Variants in SBNO1 observed in about 807,000 individuals in gnomAD.
SBNO1 encodes protein strawberry notch homolog 1.
In SBNO1, 23 loss-of-function variants were observed where a neutral mutation model predicts 173.6. The observed-to-expected ratio is 0.13, with a 90% CI of 0.10 to 0.19. SBNO1 has a LOEUF of 0.19. SBNO1 is among the 10% of genes least tolerant of loss of function. The pLI, the probability that SBNO1 is intolerant of heterozygous loss-of-function variation, is 1.00. For synonymous variants in SBNO1, 632 were observed against 571.5 expected, an observed-to-expected ratio of 1.11 and a Z score of -1.51; for missense variants, 1,238 against 1,671.2, an observed-to-expected ratio of 0.74 and a Z score of 4.52.
At chr12:123,363,878 A>T in intron 1 of SBNO1, 1 of 985,638 alleles carries the variant, frequency 1.0e-6, no homozygotes, top group Non-Finnish European at 1.2e-6. Flanking sequence ...CAGGAAAGAA[A>T]CAATCAGAAG....
At chr12:123,359,774 TAAGGA>T (rs1258673765) in intron 1 of SBNO1, among the ~76,000 whole-genome samples, 1 of 152,152 alleles carries the variant, frequency 6.6e-6, no homozygotes, top group African/African-American at 2.4e-5. Flanking sequence ...CCTTTCCACT[TAAGGA>T]AATTTCAGTG....
intron 19 of SBNO1, 40 bp from the exon 20 acceptor site, chr12:123,320,071 A>G (rs1869769830): frequency 3.1e-6 from 5 of 1,611,520 alleles, no homozygotes; most frequent in Non-Finnish European, 4.2e-6. Context: ...AAGGTATCTG[A>G]CTGCGGTGGA....
At chr12:123,322,021 G>C (rs1184630298) in intron 16 of SBNO1, among the ~76,000 whole-genome samples, 1 of 152,190 alleles carries the variant, frequency 6.6e-6, no homozygotes, top group Non-Finnish European at 1.5e-5. Context: ...CAGAGTAAAA[G>C]CAGAACCTCT....
At chr12:123,310,152 CT>C (rs1392694746) in intron 25 of SBNO1, among the ~76,000 whole-genome samples, 1 of 152,228 alleles carries the variant, frequency 6.6e-6, no homozygotes, top group Non-Finnish European at 1.5e-5. Flanking sequence ...GAATTCTCAA[CT>C]GTAGTGGCAC....
chr12:123,361,135 T>C (rs1374648873), intron 1 of SBNO1, among the ~76,000 whole-genome samples: 1 of 152,152 alleles, frequency 6.6e-6, no homozygotes, highest in Non-Finnish European at 1.5e-5. Flanking sequence ...TCCCAGCTAC[T>C]TGGGAGGCTA....
At chr12:123,344,287 C>G (rs1254794136) in intron 4 of SBNO1, among the ~76,000 whole-genome samples, 1 of 152,082 alleles carries the variant, frequency 6.6e-6, no homozygotes, top group Non-Finnish European at 1.5e-5. Context: ...GGTATCAGTC[C>G]TAAGACAGCT....
At chr12:123,358,845 C>G (rs1874782444) in intron 1 of SBNO1, among the ~76,000 whole-genome samples, 1 of 151,834 alleles carries the variant, frequency 6.6e-6, no homozygotes, top group African/African-American at 2.4e-5. Flanking sequence ...CACATCACTC[C>G]AAGATCCTGT....
rs1440644488 is a variant in SBNO1 at position 123,326,323 on chromosome 12, G to A, written c.1704C>T (p.Ala568=). The change falls in exon 14 of 32, where the codon GCC becomes GCT. Residue 568 remains alanine, a synonymous_variant. Transcript: ENST00000602398. The part of the protein sequence containing the change: ...YNKAVKLWVI[A]RERFQQAADL... ...CTGCAGCTTGCTGAAACCGCTCTCTGGCGATGACCCACTGAAGATACATAA... is the reference window on the plus strand; with the variant it reads ...CTGCAGCTTGCTGAAACCGCTCTCTAGCGATGACCCACTGAAGATACATAA... 1.4e-5 allele frequency: 23 copies of A among 1,599,490 alleles called. No homozygotes were observed. Among genetic ancestry groups the A allele is most frequent in the Non-Finnish European group, 1.8e-5 (21 of 1,172,654 alleles).
intron 5 of SBNO1, among the ~76,000 whole-genome samples, chr12:123,337,859 C>A (rs1427783460): frequency 5.9e-5 from 9 of 152,198 alleles, no homozygotes; most frequent in African/African-American, 1.9e-4. Context: ...AGCCTCCTTT[C>A]TCCCTCCATC....
chr12:123,307,483 G>A (rs1415781904), intron 28 of SBNO1, among the ~76,000 whole-genome samples: 3 of 152,166 alleles, frequency 2.0e-5, no homozygotes, highest in African/African-American at 7.2e-5. Context: ...GATCATTTAT[G>A]ACTTCATCCT....
chr12:123,350,556 T>G (rs1873753751), intron 1 of SBNO1, 115 bp from the exon 2 acceptor site: 3 of 807,894 alleles, frequency 3.7e-6, no homozygotes, highest in Non-Finnish European at 4.1e-6. Flanking sequence ...TCAGTATTAA[T>G]GAAGAACCTG....
At chr12:123,338,892 CG>C (rs1872189634) in intron 5 of SBNO1, among the ~76,000 whole-genome samples, 2 of 3,668 alleles carry the variant, frequency 5.5e-4, no homozygotes, top group South Asian at 6.3e-3. Context: ...ACACACACCC[CG>C]ACACACACAC....
rs1875956828 is a variant in SBNO1 at position 123,364,779 on chromosome 12, G to A, written c.-79C>T. The A allele has an allele frequency of 9.1e-6, 9 of 987,478 alleles. No individual in the cohort carries two copies. The highest frequency in any genetic ancestry group is 1.1e-5 in the Non-Finnish European group (9 of 831,552). The allele number at this position is 987,478 out of a possible 1,614,324, so 61.2% of individuals were successfully genotyped here. A position where few individuals can be genotyped will look rare whatever the true frequency, so the allele number is the denominator to read the frequency against. On this transcript the variant is annotated 5_prime_UTR_variant, in exon 1 of 32. Transcript: ENST00000602398. ...AAGGACCAGAGGCGACTGGAGCGGA[G>A]GCGGCGGTGGCGGCGGCAGCAGCGG...
At chr12:123,320,104 GA>G in intron 19 of SBNO1, 73 bp from the exon 20 acceptor site, 1 of 1,530,622 alleles carries the variant, frequency 6.5e-7, no homozygotes, top group East Asian at 2.2e-5. Flanking sequence ...CTCTTTCCTT[GA>G]AGACACTTGG....
chr12:123,313,665 G>A lies in SBNO1; in HGVS notation c.3175C>T (p.Pro1059Ser), dbSNP rs1868906546. Residue 1059 changes from proline to serine, a missense_variant, in exon 24 of 32, where the codon CCT becomes TCT. Pro to Ser is a moderately conservative substitution (Grantham distance 74). Coordinates refer to ENST00000602398, the MANE Select transcript of SBNO1 (RefSeq NM_001167856.3). ...TAGTCTGGAGGTGGTGATACCATAG[G>A]AGAATCCAAGTTTACAATGGATTTC... ...VMKSIVNLDS[P>S]MVSPPPDYPG... 2 of 1,609,288 alleles carry A rather than the reference G, an allele frequency of 1.2e-6. No individual in the cohort carries two copies. The highest frequency in any genetic ancestry group is 1.7e-6 in the Non-Finnish European group (2 of 1,176,412).
chr12:123,301,136 T>A (rs1459872855), intron 30 of SBNO1, among the ~76,000 whole-genome samples: 1 of 151,992 alleles, frequency 6.6e-6, no homozygotes, highest in Non-Finnish European at 1.5e-5. Flanking sequence ...GCCTCCCAAG[T>A]AGCTGGGATT....
At chr12:123,309,680 C>G in intron 26 of SBNO1, 30 bp downstream of exon 26, 1 of 1,608,616 alleles carries the variant, frequency 6.2e-7, no homozygotes, top group Non-Finnish European at 8.5e-7. Flanking sequence ...TCCCTGGGGA[C>G]ATTGTGGGGG....
chr12:123,352,519 T>G (rs1873997976), intron 1 of SBNO1, among the ~76,000 whole-genome samples: 1 of 152,152 alleles, frequency 6.6e-6, no homozygotes, highest in African/African-American at 2.4e-5. Context: ...CTCGAACTCC[T>G]GACCTCAGGT....
chr12:123,325,777 A>G (rs910169297), intron 14 of SBNO1, among the ~76,000 whole-genome samples, 178 bp from the exon 15 acceptor site: 2 of 42,888 alleles, frequency 4.7e-5, no homozygotes, highest in Admixed American at 4.0e-4. Flanking sequence ...TTTGTCAAAA[A>G]TTTAGGCAGG....
Sources: gnomAD v4.1 joint callset for allele counts (sites outside exome capture counted in the v4.1 genomes callset) on GRCh38, gnomAD v4.1.1 for gene constraint, MANE v1.5 for transcripts, NCBI Gene and HGNC (gene_info 2026-07-23, HGNC 2026-07-21) for gene names.